Variants in DAAM1 observed in about 807,000 individuals in gnomAD.
DAAM1 encodes the protein disheveled-associated activator of morphogenesis 1.
DAAM1 carries 52 observed loss-of-function variants against 130.0 expected under a neutral mutation model. The ratio of observed to expected loss-of-function variants is 0.40; its 90% CI spans 0.32 to 0.50. DAAM1 has a LOEUF of 0.50. DAAM1 is among the 20% of genes least tolerant of loss of function. The pLI is 0.61. For missense variants in DAAM1, 1,134 were observed against 1,303.8 expected (o/e 0.87, Z 2.01); for synonymous variants, 452 against 444.5 (o/e 1.02, Z -0.21).
intron 1 of DAAM1, among the ~76,000 whole-genome samples, chr14:59,201,178 A>T (rs1227870982): frequency 6.7e-6 from 1 of 150,298 alleles, no homozygotes; most frequent in African/African-American, 2.4e-5. Context: ...AAAAAAAAAA[A>T]AAAAAATCCT....
In DAAM1 at chr14:59,367,470, A is replaced by C; in HGVS notation, c.2868A>C (p.Lys956Asn). ...AGCACTTTGGGGAAGAGGCTGGCAAAATACAACCAGATGAGTTCTTTGGCA... is the reference window on the plus strand; with the variant it reads ...AGCACTTTGGGGAAGAGGCTGGCAACATACAACCAGATGAGTTCTTTGGCA... ...AVKHFGEEAG[K>N]IQPDEFFGIF... The change falls in exon 24 of 25, where the codon AAA becomes AAC. Residue 956 changes from lysine to asparagine, a missense_variant. Around this residue, in one of 3 missense-constraint regions of DAAM1, gnomAD observed 644 missense variants for 695.9 expected, o/e 0.93. Transcript: ENST00000360909. 3 of 1,613,718 alleles carry C rather than the reference A, an allele frequency of 1.9e-6. No homozygotes were observed. Among genetic ancestry groups the C allele is most frequent in the Non-Finnish European group, 2.5e-6 (3 of 1,179,714 alleles).
At chr14:59,260,043 CA>C (rs939825314) in intron 1 of DAAM1, among the ~76,000 whole-genome samples, 21 of 145,264 alleles carry the variant, frequency 1.4e-4, no homozygotes, top group South Asian at 1.3e-3. Context: ...GACTCCGTCT[CA>C]AAAAAAAAAA....
intron 22 of DAAM1, among the ~76,000 whole-genome samples, chr14:59,361,448 G>A (rs538018074): frequency 1.3e-5 from 2 of 152,198 alleles, no homozygotes; most frequent in Non-Finnish European, 2.9e-5. Flanking sequence ...CGGGTTGAGG[G>A]TGCTTTGGAG....
intron 2 of DAAM1, among the ~76,000 whole-genome samples, chr14:59,281,793 G>A (rs1018290816): frequency 3.3e-5 from 5 of 152,120 alleles, no homozygotes; most frequent in African/African-American, 9.7e-5. Context: ...TTGTAAGGCT[G>A]TGATAGTTTC....
chr14:59,326,462 C>A, intron 10 of DAAM1, 48 bp from the exon 11 acceptor site: 1 of 1,546,648 alleles, frequency 6.5e-7, no homozygotes, highest in Non-Finnish European at 8.7e-7. Flanking sequence ...TTCATCCTAG[C>A]TTAGAAACAA....
At chr14:59,333,600 T>C (rs1347394573) in intron 15 of DAAM1, among the ~76,000 whole-genome samples, 5 of 152,224 alleles carry the variant, frequency 3.3e-5, no homozygotes, top group Admixed American at 3.3e-4. Flanking sequence ...CCTGGCTACA[T>C]GTCCCATTGC....
intron 1 of DAAM1, among the ~76,000 whole-genome samples, chr14:59,208,975 C>G (rs1019613075): frequency 2.1e-4 from 32 of 152,216 alleles, no homozygotes; most frequent in African/African-American, 7.5e-4. Context: ...AAGTCCAGCC[C>G]TGTTGCTGCC....
chr14:59,356,087 T>C (rs1237535327), intron 20 of DAAM1, among the ~76,000 whole-genome samples: 1 of 152,204 alleles, frequency 6.6e-6, no homozygotes, highest in Non-Finnish European at 1.5e-5. Flanking sequence ...GCATATTAAC[T>C]TGAGTTTCCT....
intron 22 of DAAM1, among the ~76,000 whole-genome samples, chr14:59,361,278 GTAT>G (rs2139684010): frequency 6.6e-6 from 1 of 152,304 alleles, no homozygotes; most frequent in East Asian, 1.9e-4. Flanking sequence ...CCTTTGGGGA[GTAT>G]TTACTAAGCA....
intron 3 of DAAM1, among the ~76,000 whole-genome samples, chr14:59,311,607 G>T (rs552852775): frequency 6.6e-6 from 1 of 151,512 alleles, no homozygotes; most frequent in South Asian, 2.1e-4. Flanking sequence ...GGTAGCCATT[G>T]TTAAGTTTTA....
chr14:59,225,126 C>A (rs944995123), intron 1 of DAAM1, among the ~76,000 whole-genome samples: 1 of 137,650 alleles, frequency 7.3e-6, no homozygotes, highest in African/African-American at 2.7e-5. Flanking sequence ...CTCCTGGGTT[C>A]AAGTGATTCT....
intron 23 of DAAM1, among the ~76,000 whole-genome samples, chr14:59,365,759 A>G (rs1171221232): frequency 5.3e-5 from 8 of 152,198 alleles, no homozygotes; most frequent in Non-Finnish European, 8.8e-5. Flanking sequence ...TGGTCTAAAT[A>G]TGAAGAAAAC....
chr14:59,309,571 G>A (rs1884499612), intron 3 of DAAM1, among the ~76,000 whole-genome samples: 1 of 152,192 alleles, frequency 6.6e-6, no homozygotes, highest in Non-Finnish European at 1.5e-5. Context: ...AAGTGTTGCT[G>A]AAATGTGGCA....
chr14:59,334,996 A>G (rs61984497), intron 15 of DAAM1, among the ~76,000 whole-genome samples: 12,967 of 152,200 alleles, frequency 0.085, 723 homozygotes, highest in Non-Finnish European at 0.13. Context: ...TTAGTTCTCA[A>G]TGGAGCTCTT....
chr14:59,370,130 C>CTGT lies in DAAM1; in HGVS notation c.*1273_*1275dup, dbSNP rs1266498681. ...TAAATTATGTGATATATAAAGAGGA[C>CTGT]TGTTACTTTTTTACTTTTTTTTTTT... On this transcript the variant is annotated 3_prime_UTR_variant, in exon 25 of 25. Transcript: ENST00000360909. The CTGT allele has an allele frequency of 7.6e-6, 1 of 131,698 alleles. No individual in the cohort carries two copies. The highest frequency in any genetic ancestry group is 2.9e-5 in the African/African-American group (1 of 34,984). The allele number at this position is 131,698 out of a possible 1,614,324, so 8.2% of individuals were successfully genotyped here.
rs1886803333 is a variant in DAAM1, at chr14:59,363,706, T to C, written c.2750T>C (p.Val917Ala). The C allele has an allele frequency of 2.5e-6, 4 of 1,614,062 alleles. No individual in the cohort carries two copies. The highest frequency in any genetic ancestry group is 1.7e-5 in the Admixed American group (1 of 60,002). Residue 917 changes from valine to alanine, a missense_variant, in exon 23 of 25, where the codon GTT becomes GCT. Physicochemically the swap from Val to Ala is moderately conservative, Grantham distance 64. Transcript: ENST00000360909. ...PPQPGDKFVSVVSQFITVASF... is the reference protein window; with the variant it reads ...PPQPGDKFVSAVSQFITVASF... ...CAGCCCGGAGATAAGTTTGTGTCTG[T>C]TGTCAGCCAGTTCATCACAGTAGCC...
chr14:59,344,107 C>T (rs1357547559), intron 16 of DAAM1, among the ~76,000 whole-genome samples: 1 of 152,128 alleles, frequency 6.6e-6, no homozygotes, highest in Non-Finnish European at 1.5e-5. Flanking sequence ...GCAAAATGAA[C>T]CCACCTGAAA....
chr14:59,367,672 G>C (rs1886974096), intron 24 of DAAM1, 73 bp downstream of exon 24: 2 of 1,522,014 alleles, frequency 1.3e-6, no homozygotes, highest in African/African-American at 1.4e-5. Flanking sequence ...AAGGTATTTA[G>C]AGAGCACTCT....
At chr14:59,217,937 C>T (rs190034149) in intron 1 of DAAM1, among the ~76,000 whole-genome samples, 1 of 151,174 alleles carries the variant, frequency 6.6e-6, no homozygotes, top group East Asian at 2.0e-4. Flanking sequence ...CACGCCACTG[C>T]ACTCCAGCCT....
Sources: allele counts gnomAD v4.1 joint callset (sites outside exome capture counted in the v4.1 genomes callset), GRCh38; gene constraint gnomAD v4.1.1; regional missense constraint gnomAD v4.1.1; transcripts MANE v1.5; gene names NCBI Gene and HGNC (gene_info 2026-07-23, HGNC 2026-07-21).